Variants in MUC5B observed in about 807,000 individuals in gnomAD.
MUC5B encodes the protein mucin 5B, oligomeric mucus/gel-forming, also known as mucin-5B.
A neutral mutation model predicts 376.9 loss-of-function variants in MUC5B; 116 were observed. That is an observed-to-expected ratio of 0.31 (90% CI 0.26 to 0.36). MUC5B has a LOEUF of 0.36. Among genes scored for constraint, MUC5B ranks in the 10% least tolerant of loss-of-function variants. The pLI is 1.00. For missense variants in MUC5B, 7,165 were observed against 7,769.9 expected, an observed-to-expected ratio of 0.92 and a Z score of 2.93; for synonymous variants, 3,517 against 3,390.9, an observed-to-expected ratio of 1.04 and a Z score of -1.29.
Position 1,225,721 on chromosome 11 carries a change from G to A in MUC5B, c.111G>A (p.Gly37=), listed in dbSNP as rs763910150. The A allele has an allele frequency of 9.3e-6, 15 of 1,606,490 alleles. No individual in the cohort carries two copies. Among genetic ancestry groups the A allele is most frequent in the Non-Finnish European group, 1.3e-5 (15 of 1,177,118 alleles). ...TGGAGCCGAGCTGGGAGAATGCAGG[G>A]CACACCATGGATGGCGGTATGTGGC... ...GPVEPSWENA[G]HTMDGGAPTS... Residue 37 remains glycine (G), a synonymous_variant, in exon 2 of 49, where the codon GGG becomes GGA. Coordinates refer to ENST00000529681, the MANE Select transcript of MUC5B (RefSeq NM_002458.3).
rs371006220 is a variant in MUC5B at position 1,250,605 on chromosome 11, C to T, written c.13725C>T (p.Thr4575=). 3,745 of 1,613,598 alleles carry T rather than the reference C, an allele frequency of 2.3e-3. 63 individuals are homozygous for T. In the African/African-American group the frequency reaches 0.043, roughly 19 times the overall value. ...CCACGGCCACCACAACCGGGGCCACCGGCTCTGTGGCCACCCCCTCCTCCA... is the reference window on the plus strand; with the variant it reads ...CCACGGCCACCACAACCGGGGCCACTGGCTCTGTGGCCACCCCCTCCTCCA... ...LTATATTTGA[T]GSVATPSSTP... Residue 4575 remains threonine, a synonymous_variant, in exon 31 of 49, where the codon ACC becomes ACT. Transcript: ENST00000529681.
Position 1,260,355 on chromosome 11 carries a change from G to C in MUC5B, c.16928G>C (p.Ser5643Thr). 6.2e-7 allele frequency: 1 copy of C among 1,612,504 alleles called. No individual in the cohort carries two copies. Among genetic ancestry groups the C allele is most frequent in the Non-Finnish European group, 8.5e-7 (1 of 1,179,764 alleles). Residue 5643 changes from serine to threonine, a missense_variant, in exon 47 of 49, where the codon AGC becomes ACC. By Grantham distance (58) the Ser-to-Thr change is moderately conservative. Transcript: ENST00000529681. ...SCPDVSSCRG[S>T]LRKTGCCYSC... ...CCTGTCTTTGGCCCCCACCAGGGGA[G>C]CCTCAGGAAAACCGGCTGCTGCTAC... is the stretch of plus-strand genomic sequence containing the variant.
At chr11:1,232,411 G>C in intron 15 of MUC5B, 39 bp from the exon 16 acceptor site, 1 of 1,557,760 alleles carries the variant, frequency 6.4e-7, no homozygotes. Flanking sequence ...TGTGGGCTTC[G>C]GGGCAGGGCG....
intron 4 of MUC5B, 51 bp from the exon 5 acceptor site, chr11:1,226,980 G>GGC: frequency 1.3e-6 from 1 of 796,848 alleles, no homozygotes; most frequent in Non-Finnish European, 2.0e-6. Flanking sequence ...GGTTGGGTGG[G>GGC]CAGGCAGCCA....
In MUC5B at chr11:1,258,193, C is replaced by T; in HGVS notation, c.16545C>T (p.Thr5515=). Reference sequence around the variant, plus strand: ...AGGAGGAGGGCGACTGCTGTCCCACCTTCCGCTGCAGTGAGCGGGGCTGGG... The same window carrying T: ...AGGAGGAGGGCGACTGCTGTCCCACTTTCCGCTGCAGTGAGCGGGGCTGGG... ...CTQEEGDCCP[T]FRCRPQLCSY... is the part of the protein sequence containing the mutation. The change falls in exon 42 of 49, where the codon ACC becomes ACT. Residue 5515 remains threonine (T), a synonymous_variant. Coordinates refer to ENST00000529681, the MANE Select transcript of MUC5B (RefSeq NM_002458.3). The surrounding 1 kb of genome is among the most constrained non-coding windows in gnomAD (Gnocchi z 5.5). 6.3e-7 allele frequency: 1 copy of T among 1,595,528 alleles called. No homozygotes were observed. The highest frequency in any genetic ancestry group is 8.5e-7 in the Non-Finnish European group (1 of 1,172,556).
At position 1,242,326 on chromosome 11, in the gene MUC5B, G is replaced by A. The variant is rs747419523; in HGVS notation, c.5446G>A (p.Ala1816Thr). Residue 1816 changes from alanine to threonine, a missense_variant, in exon 31 of 49, where the codon GCT becomes ACT. Physicochemically the swap from Ala to Thr is moderately conservative, Grantham distance 58. This residue lies in a region of MUC5B where 897 missense variants were observed against 779.6 expected (regional missense o/e 1.15). Transcript: ENST00000529681. ...GDMETFENIR[A>T]AGGKMCWAPK... ...CATGGAAACTTTTGAAAACATCAGG[G>A]CTGCTGGGGGCAAGATGTGCTGGGC... 2 of 1,613,884 alleles carry A rather than the reference G, an allele frequency of 1.2e-6. No homozygotes were observed. The highest frequency in any genetic ancestry group is 1.7e-5 in the Admixed American group (1 of 60,016).
intron 1 of MUC5B, chr11:1,223,499 G>C: frequency 2.1e-6 from 1 of 470,744 alleles, no homozygotes; most frequent in Non-Finnish European, 3.9e-6. Context: ...ACAGGAGTGG[G>C]CAATGGGGGA....
Position 1,250,569 on chromosome 11 carries a change from A to C in MUC5B, c.13689A>C (p.Thr4563=). The C allele has an allele frequency of 1.9e-6, 3 of 1,613,072 alleles. No homozygotes were observed. Among genetic ancestry groups the C allele is most frequent in the Non-Finnish European group, 2.5e-6 (3 of 1,179,580 alleles). Reference sequence around the variant, plus strand: ...CTCCAGAGACTGTCCACACCTCCACAGTGCTTACCGCCACGGCCACCACAA... The same window carrying C: ...CTCCAGAGACTGTCCACACCTCCACCGTGCTTACCGCCACGGCCACCACAA... The part of the protein sequence containing the change: ...SSTPETVHTS[T]VLTATATTTG... Residue 4563 remains threonine, a synonymous_variant, in exon 31 of 49, where the codon ACA becomes ACC. Transcript: ENST00000529681.
chr11:1,247,549 A>G lies in MUC5B; in HGVS notation c.10669A>G (p.Ser3557Gly). ...KTRTSTLLPS[S>G]PTSAPITTVV... ...CCGCACCTCGACCCTGCTGCCCAGC[A>G]GCCCCACATCGGCCCCCATAACCAC... is the stretch of plus-strand genomic sequence containing the variant. Residue 3557 changes from serine (S) to glycine (G), a missense_variant, in exon 31 of 49, where the codon AGC becomes GGC. This residue lies in a region of MUC5B where 939 missense variants were observed against 770.6 expected (regional missense o/e 1.22). Coordinates refer to ENST00000529681, the MANE Select transcript of MUC5B (RefSeq NM_002458.3). 6.2e-7 allele frequency: 1 copy of G among 1,610,928 alleles called. No individual in the cohort carries two copies. The highest frequency in any genetic ancestry group is 8.5e-7 in the Non-Finnish European group (1 of 1,179,400).
chr11:1,227,057 G>T lies in MUC5B; in HGVS notation c.488G>T (p.Gly163Val). The T allele has an allele frequency of 6.2e-7, 1 of 1,611,820 alleles. No homozygotes were observed. Among genetic ancestry groups the T allele is most frequent in the Non-Finnish European group, 8.5e-7 (1 of 1,179,354 alleles). Residue 163 changes from glycine (G) to valine (V), a missense_variant, in exon 5 of 49, where the codon GGC (glycine) becomes GTC (valine). By Grantham distance (109) the Gly-to-Val change is moderately radical. Transcript: ENST00000529681. ...QREELPYSRT[G>V]LLVEQSGDYI... ...GAGGAGCTGCCTTACAGCCGCACTGGCCTCCTGGTGGAGCAGAGCGGGGAC... is the reference window on the plus strand; with the variant it reads ...GAGGAGCTGCCTTACAGCCGCACTGTCCTCCTGGTGGAGCAGAGCGGGGAC...
Position 1,246,273 on chromosome 11 carries a change from G to A in MUC5B, c.9393G>A (p.Thr3131=), listed in dbSNP as rs778855110. The part of the protein sequence containing the change: ...SMSTPSSTPG[T]TWILTELTTA... ...CCACCCCCTCCTCCACTCCGGGGACGACCTGGATCCTCACAGAGCTGACCA... is the reference window on the plus strand; with the variant it reads ...CCACCCCCTCCTCCACTCCGGGGACAACCTGGATCCTCACAGAGCTGACCA... The change falls in exon 31 of 49, where the codon ACG becomes ACA. Residue 3131 remains threonine (T), a synonymous_variant. Coordinates refer to ENST00000529681, the MANE Select transcript of MUC5B (RefSeq NM_002458.3). 130 of 1,608,672 alleles carry A rather than the reference G, an allele frequency of 8.1e-5. No homozygotes were observed. In the Middle Eastern group the frequency reaches 1.2e-3, roughly 14 times the overall value.
Position 1,226,268 on chromosome 11 carries a change from G to T in MUC5B, c.191G>T (p.Ser64Ile), listed in dbSNP as rs1347580686. 6.4e-7 allele frequency: 1 copy of T among 1,555,408 alleles called. No homozygotes were observed. The highest frequency in any genetic ancestry group is 8.7e-7 in the Non-Finnish European group (1 of 1,150,940). ...SFVPPVTVFP[S>I]LSPLNPAHNG... The stretch of plus-strand genomic sequence containing the variant: ...GTTCCACCCGTCACTGTCTTCCCCA[G>T]CCTGAGCCGTAAGCAGATGCTGCCC... Residue 64 changes from serine (S) to isoleucine (I), a missense_variant, in exon 3 of 49, where the codon AGC becomes ATC. By Grantham distance (142) the Ser-to-Ile change is moderately radical. Around this residue, in one of 31 missense-constraint regions of MUC5B, gnomAD observed 640 missense variants for 733.0 expected, o/e 0.87. Coordinates refer to ENST00000529681, the MANE Select transcript of MUC5B (RefSeq NM_002458.3).
rs763483146 is a variant in MUC5B at position 1,242,675 on chromosome 11, C to G, written c.5795C>G (p.Thr1932Arg). ...STATPTSTLRTAPPPKVLTTT... is the reference protein window; with the variant it reads ...STATPTSTLRRAPPPKVLTTT... ...GCCACCCCGACCTCCACCCTGAGAA[C>G]AGCTCCCCCTCCCAAAGTGCTGACC... The change falls in exon 31 of 49, where the codon ACA becomes AGA. Residue 1932 changes from threonine to arginine, a missense_variant. This residue lies in a region of MUC5B where 897 missense variants were observed against 779.6 expected (regional missense o/e 1.15). Transcript: ENST00000529681. 1.9e-6 allele frequency: 3 copies of G among 1,613,774 alleles called. No homozygotes were observed. Among genetic ancestry groups the G allele is most frequent in the Admixed American group, 1.7e-5 (1 of 60,000 alleles).
rs1451659932 is a variant in MUC5B at position 1,247,230 on chromosome 11, C to T, written c.10350C>T (p.Thr3450=). The T allele has an allele frequency of 1.2e-6, 2 of 1,612,024 alleles. No individual in the cohort carries two copies. Among genetic ancestry groups the T allele is most frequent in the African/African-American group, 2.7e-5 (2 of 74,804 alleles). The change falls in exon 31 of 49, where the codon ACC becomes ACT. Residue 3450 remains threonine (T), a synonymous_variant. Transcript: ENST00000529681. ...GTTHTPPVPN[T]TATTHGRSLP... ...CCCACACACCCCCAGTGCCGAACAC[C>T]ACGGCCACCACACACGGGCGGTCCC...
rs754805718 is a variant in MUC5B, at chr11:1,251,686, A to G, written c.14806A>G (p.Ser4936Gly). 1 of 1,612,270 alleles carries G rather than the reference A, an allele frequency of 6.2e-7. No homozygotes were observed. The highest frequency in any genetic ancestry group is 1.3e-5 in the African/African-American group (1 of 74,868). The part of the protein sequence containing the change: ...LTTLRPTGFP[S>G]SHFSTPCFCR... Reference sequence around the variant, plus strand: ...CACCCTGAGACCCACTGGCTTCCCCAGCTCCCACTTCTCTACTCCCTGCTT... The same window carrying G: ...CACCCTGAGACCCACTGGCTTCCCCGGCTCCCACTTCTCTACTCCCTGCTT... Residue 4936 changes from serine to glycine, a missense_variant, in exon 31 of 49, where the codon AGC (serine) becomes GGC (glycine). This residue lies in a region of MUC5B where 730 missense variants were observed against 592.7 expected (regional missense o/e 1.23). Coordinates refer to ENST00000529681, the MANE Select transcript of MUC5B (RefSeq NM_002458.3).
intron 12 of MUC5B, among the ~76,000 whole-genome samples, 152 bp downstream of exon 12, chr11:1,230,752 C>T (rs1190775175): frequency 6.6e-6 from 1 of 151,762 alleles, no homozygotes; most frequent in African/African-American, 2.4e-5. Flanking sequence ...AGGTCAGGTC[C>T]CCCCTCCAGC....
chr11:1,238,255 G>C (rs1042410229), intron 25 of MUC5B, among the ~76,000 whole-genome samples: 2 of 152,216 alleles, frequency 1.3e-5, no homozygotes, highest in Non-Finnish European at 2.9e-5. Context: ...ACATTCACTG[G>C]GTGCCTGGAA....
Position 1,253,076 on chromosome 11 carries a change from T to G in MUC5B, c.15217+96T>G, listed in dbSNP as rs1590190321. On this transcript the variant is annotated intron_variant, in intron 33 of 48. Transcript: ENST00000529681. This position sits in a 1 kb window ranked among gnomAD's most constrained non-coding sequence, Gnocchi z 4.3. ...CAGAATGGGGCATGGTGGGGCACAG[T>G]GGGGTGCAGTGGGGAATGGTGGGGC... 7.6e-6 allele frequency: 6 copies of G among 793,530 alleles called. No homozygotes were observed. Among genetic ancestry groups the G allele is most frequent in the African/African-American group, 3.5e-5 (1 of 28,938 alleles). The allele number at this position is 793,530 out of a possible 1,614,324, so 49.2% of individuals were successfully genotyped here.
chr11:1,230,443 C>A, intron 11 of MUC5B, 47 bp from the exon 12 acceptor site: 1 of 1,502,092 alleles, frequency 6.7e-7, no homozygotes, highest in East Asian at 2.4e-5. Context: ...GGGGGCACCC[C>A]ACATCATCGA....
Sources: gnomAD v4.1 joint callset for allele counts (sites outside exome capture counted in the v4.1 genomes callset) on GRCh38, gnomAD v4.1.1 for gene constraint, gnomAD v4.1.1 regional missense constraint, Gnocchi (gnomAD v3.1) non-coding constraint, MANE v1.5 for transcripts, NCBI Gene and HGNC (gene_info 2026-07-23, HGNC 2026-07-21) for gene names.